Variants in FPR2 observed in about 807,000 individuals in gnomAD.
FPR2 encodes the protein formyl peptide receptor 2, also known as N-formyl peptide receptor 2.
Under a neutral mutation model 4.0 loss-of-function variants are expected in FPR2, and 3 were observed. That is an observed-to-expected ratio of 0.74 (90% confidence interval 0.34 to 1.92). The LOEUF is 1.92. Ranked by LOEUF, FPR2 falls within the 30% of genes most tolerant of loss-of-function variation. The probability of loss-of-function intolerance (pLI) is 0.07; values close to 1 mark genes in which losing one functional copy is unlikely to be tolerated. For missense variants in FPR2, 372 were observed against 435.7 expected (o/e 0.85, Z 1.30); for synonymous variants, 179 against 171.5 (o/e 1.04, Z -0.34).
At chr19:51,765,449 G>A (rs11084116) in intron 1 of FPR2, among the ~76,000 whole-genome samples, 86,231 of 151,980 alleles carry the variant, frequency 0.57, 24,983 homozygotes, top group East Asian at 0.7. Flanking sequence ...CAAAAACAGC[G>A]TTACTTTTGC....
chr19:51,762,959 A>C (rs1186296622), intron 1 of FPR2: 1 of 152,228 alleles, frequency 6.6e-6, no homozygotes, highest in Non-Finnish European at 1.5e-5. Context: ...TTAACAACTG[A>C]ATGTTTAAAC....
At chr19:51,763,053 A>G (rs2122353270) in intron 1 of FPR2, 1 of 152,332 alleles carries the variant, frequency 6.6e-6, no homozygotes, top group East Asian at 1.9e-4. Flanking sequence ...GTTAGGTTTG[A>G]AATGTCTACG....
At chr19:51,768,030 C>T (rs1239807731) in intron 1 of FPR2, among the ~76,000 whole-genome samples, 1 of 152,100 alleles carries the variant, frequency 6.6e-6, no homozygotes, top group African/African-American at 2.4e-5. Flanking sequence ...AGAGATGGAA[C>T]TCTCTTTGCT....
At chr19:51,765,760 A>G (rs1197885808) in intron 1 of FPR2, among the ~76,000 whole-genome samples, 2 of 152,158 alleles carry the variant, frequency 1.3e-5, no homozygotes, top group Non-Finnish European at 2.9e-5. Flanking sequence ...AGATTTCCAC[A>G]TCTATTCTCA....
rs747494377 is a variant in FPR2 at position 51,769,093 on chromosome 19, G to C, written c.435G>C (p.Val145=). 3.1e-6 allele frequency: 5 copies of C among 1,614,112 alleles called. No homozygotes were observed. The highest frequency in any genetic ancestry group is 2.7e-5 in the African/African-American group (2 of 74,934). ...NHRTVSLAMK[V]IVGPWILALV... ...GCACTGTGAGTCTGGCCATGAAGGT[G>C]ATCGTCGGACCTTGGATTCTTGCTC... Residue 145 remains valine, a synonymous_variant, in exon 2 of 2, where the codon GTG becomes GTC. Coordinates refer to ENST00000340023, the MANE Select transcript of FPR2 (RefSeq NM_001005738.2). The surrounding 1 kb of genome is among the most constrained non-coding windows in gnomAD (Gnocchi z 4.4).
At chr19:51,766,184 G>T (rs575768374) in intron 1 of FPR2, among the ~76,000 whole-genome samples, 3 of 152,204 alleles carry the variant, frequency 2.0e-5, no homozygotes, top group Admixed American at 1.3e-4. Flanking sequence ...GCCTCCCAAA[G>T]TGTTGGGATT....
intron 1 of FPR2, among the ~76,000 whole-genome samples, chr19:51,764,473 A>T (rs2083858415): frequency 6.6e-6 from 1 of 152,164 alleles, no homozygotes; most frequent in Non-Finnish European, 1.5e-5. Context: ...AAGTAGAGTA[A>T]CCTAATGAGG....
At position 51,769,205 on chromosome 19, in the gene FPR2, T is replaced by C; in HGVS notation, c.547T>C (p.Trp183Arg). Reference sequence around the variant, plus strand: ...ATACTGTACTTTCAACTTTGCATCCTGGGGTGGCACCCCTGAGGAGAGGCT... The same window carrying C: ...ATACTGTACTTTCAACTTTGCATCCCGGGGTGGCACCCCTGAGGAGAGGCT... ...DTYCTFNFAS[W>R]GGTPEERLKV... Residue 183 changes from tryptophan to arginine, a missense_variant, in exon 2 of 2, where the codon TGG (tryptophan) becomes CGG (arginine). Coordinates refer to ENST00000340023, the MANE Select transcript of FPR2 (RefSeq NM_001005738.2). This position sits in a 1 kb window ranked among gnomAD's most constrained non-coding sequence, Gnocchi z 4.4. 1.2e-6 allele frequency: 2 copies of C among 1,614,200 alleles called. No homozygotes were observed. The highest frequency in any genetic ancestry group is 1.7e-6 in the Non-Finnish European group (2 of 1,180,028).
rs1462619748 is a variant in FPR2 at position 51,769,357 on chromosome 19, G to A, written c.699G>A (p.Met233Ile). The change falls in exon 2 of 2, where the codon ATG (methionine) becomes ATA (isoleucine). Residue 233 changes from methionine (M) to isoleucine (I), a missense_variant. Met to Ile is a conservative substitution (Grantham distance 10). Transcript: ENST00000340023. The surrounding 1 kb of genome is among the most constrained non-coding windows in gnomAD (Gnocchi z 4.4). ...CAGCCAAGATCCACAAAAAGGGCAT[G>A]ATTAAATCCAGCCGTCCCTTACGGG... ...LIAAKIHKKG[M>I]IKSSRPLRVL... The A allele has an allele frequency of 3.1e-6, 5 of 1,614,096 alleles. No individual in the cohort carries two copies. The African/African-American group carries it at 4.0e-5, about 13-fold the overall frequency.
intron 1 of FPR2, among the ~76,000 whole-genome samples, chr19:51,761,500 G>T (rs1007167357): frequency 6.6e-6 from 1 of 151,928 alleles, no homozygotes; most frequent in Non-Finnish European, 1.5e-5. Context: ...TTATTTGCGG[G>T]GTTAAATGAA....
intron 1 of FPR2, among the ~76,000 whole-genome samples, chr19:51,764,376 A>C (rs1454675121): frequency 6.6e-6 from 1 of 152,212 alleles, no homozygotes; most frequent in African/African-American, 2.4e-5. Context: ...GCATCTGCTG[A>C]GAGTGGGAAA....
intron 1 of FPR2, chr19:51,768,321 C>G (rs1393753462): frequency 4.5e-6 from 1 of 223,226 alleles, no homozygotes; most frequent in South Asian, 9.3e-5. Context: ...GTGCCTTCCT[C>G]ACAATGCTGA....
At position 51,768,912 on chromosome 19, in the gene FPR2, T is replaced by C. The variant is rs765433312; in HGVS notation, c.254T>C (p.Met85Thr). The change falls in exon 2 of 2, where the codon ATG becomes ACG. Residue 85 changes from methionine to threonine, a missense_variant. Met to Thr is a moderately conservative substitution (Grantham distance 81, BLOSUM62 -1). Coordinates refer to ENST00000340023, the MANE Select transcript of FPR2 (RefSeq NM_001005738.2). The stretch of plus-strand genomic sequence containing the variant: ...ACATTACCATTCCTCATTGTCTCCA[T>C]GGCCATGGGAGAAAAATGGCCTTTT... ...TATLPFLIVSMAMGEKWPFGW... is the reference protein window; with the variant it reads ...TATLPFLIVSTAMGEKWPFGW... 8.7e-5 allele frequency: 141 copies of C among 1,614,060 alleles called. No individual in the cohort carries two copies. The highest frequency in any genetic ancestry group is 1.1e-4 in the Non-Finnish European group (135 of 1,180,038).
intron 1 of FPR2, among the ~76,000 whole-genome samples, chr19:51,766,592 TG>T (rs1416544648): frequency 6.6e-6 from 1 of 152,178 alleles, no homozygotes; most frequent in African/African-American, 2.4e-5. Flanking sequence ...CTAGTAATCT[TG>T]GGGGAATCCC....
At position 51,768,799 on chromosome 19, in the gene FPR2, G is replaced by A. The variant is rs775649566; in HGVS notation, c.141G>A (p.Val47=). The change falls in exon 2 of 2, where the codon GTG becomes GTA. Residue 47 remains valine, a synonymous_variant. Coordinates refer to ENST00000340023, the MANE Select transcript of FPR2 (RefSeq NM_001005738.2). The part of the protein sequence containing the change: ...FVLGVLGNGL[V]IWVAGFRMTR... ...TCGGGGTCCTGGGCAATGGGCTTGTGATCTGGGTGGCTGGATTCCGGATGA... is the reference window on the plus strand; with the variant it reads ...TCGGGGTCCTGGGCAATGGGCTTGTAATCTGGGTGGCTGGATTCCGGATGA... 2 of 1,614,142 alleles carry A rather than the reference G, an allele frequency of 1.2e-6. No homozygotes were observed. Among genetic ancestry groups the A allele is most frequent in the Non-Finnish European group, 1.7e-6 (2 of 1,180,028 alleles).
intron 1 of FPR2, among the ~76,000 whole-genome samples, chr19:51,766,081 G>A (rs1007163459): frequency 9.2e-5 from 14 of 152,132 alleles, no homozygotes; most frequent in East Asian, 3.9e-4. Flanking sequence ...CACCAGGCCC[G>A]GCTAATTTTT....
chr19:51,761,533 T>C (rs1287908630), intron 1 of FPR2, among the ~76,000 whole-genome samples: 1 of 152,234 alleles, frequency 6.6e-6, no homozygotes, highest in Non-Finnish European at 1.5e-5. Flanking sequence ...AATTAATTTC[T>C]CCCAATGATT....
At chr19:51,764,761 T>G (rs1178848623) in intron 1 of FPR2, among the ~76,000 whole-genome samples, 1 of 152,188 alleles carries the variant, frequency 6.6e-6, no homozygotes, top group African/African-American at 2.4e-5. Flanking sequence ...GACCCAAAAC[T>G]TTGCAATTTT....
rs990060698 is a variant in FPR2 at position 51,770,479 on chromosome 19, T to C, written c.*765T>C. ...GAGAAGTAATTCCTCTGATTCTGTT[T>C]TCTGGTGTTATATCTTTATTAAATA... On this transcript the variant is annotated 3_prime_UTR_variant, in exon 2 of 2. Coordinates refer to ENST00000340023, the MANE Select transcript of FPR2 (RefSeq NM_001005738.2). The C allele has an allele frequency of 5.4e-5, 9 of 167,134 alleles. No individual in the cohort carries two copies. The highest frequency in any genetic ancestry group is 1.9e-4 in the African/African-American group (8 of 41,480). The allele number at this position is 167,134 out of a possible 1,614,324, so 10.4% of individuals were successfully genotyped here. A position where few individuals can be genotyped will look rare whatever the true frequency, so the allele number is the denominator to read the frequency against.
Sources: gnomAD v4.1 joint callset for allele counts (sites outside exome capture counted in the v4.1 genomes callset) on GRCh38, gnomAD v4.1.1 for gene constraint, Gnocchi (gnomAD v3.1) non-coding constraint, MANE v1.5 for transcripts, NCBI Gene and HGNC (gene_info 2026-07-23, HGNC 2026-07-21) for gene names.